Variants in CLYBL observed in about 807,000 individuals in gnomAD.
The protein encoded by CLYBL is citramalyl-CoA lyase, mitochondrial.
Under a neutral mutation model 38.9 loss-of-function variants are expected in CLYBL, and 31 were observed. The ratio of observed to expected loss-of-function variants is 0.80; its 90% CI spans 0.60 to 1.08. The LOEUF (loss-of-function observed/expected upper bound fraction) is 1.08, where lower values mean the gene tolerates loss of function less well. Among genes scored for constraint, CLYBL ranks in the 50% least tolerant of loss-of-function variants. The pLI is 0.00. For missense variants in CLYBL, 434 were observed against 411.6 expected (o/e 1.05, Z -0.47); for synonymous variants, 171 against 158.6 (o/e 1.08, Z -0.59).
rs1451268848 is a variant in CLYBL at position 99,833,013 on chromosome 13, T to TAC, written c.250-25847_250-25846insCA. 4.3e-4 allele frequency among the ~76,000 whole-genome samples: 14 copies of TAC among 32,418 alleles called. No individual in the cohort carries two copies. In the South Asian group the frequency reaches 0.013, roughly 29 times the overall value. The allele number at this position is 32,418 out of a possible 152,430, so 21.3% of individuals were successfully genotyped here. On this transcript the variant is annotated intron_variant, in intron 2 of 8. Transcript: ENST00000339105. Reference sequence around the variant, plus strand: ...GTATATACATACATACATACATATATATATATATATATATATATTTTTTTT... The same window carrying TAC: ...GTATATACATACATACATACATATATACATATATATATATATATATTTTTTTT...
chr13:99,881,953 G>A (rs1346475095), intron 7 of CLYBL, among the ~76,000 whole-genome samples: 1 of 152,098 alleles, frequency 6.6e-6, no homozygotes, highest in Non-Finnish European at 1.5e-5. Flanking sequence ...AAATGTTATA[G>A]TTTACTTTTG....
chr13:99,736,546 A>G (rs2048671120), intron 1 of CLYBL, among the ~76,000 whole-genome samples: 2 of 152,126 alleles, frequency 1.3e-5, no homozygotes, highest in African/African-American at 4.8e-5. Context: ...CTCTACCTGC[A>G]TGAAATCGGC....
At chr13:99,634,232 C>G (rs2046988646) in intron 1 of CLYBL, among the ~76,000 whole-genome samples, 1 of 152,106 alleles carries the variant, frequency 6.6e-6, no homozygotes, top group South Asian at 2.1e-4. Flanking sequence ...AAATATCAAC[C>G]CAGGGTTCTA....
chr13:99,770,527 G>C (rs374481800), intron 1 of CLYBL, among the ~76,000 whole-genome samples: 396 of 152,146 alleles, frequency 2.6e-3, no homozygotes, highest in South Asian at 0.013. Flanking sequence ...CTGTGTTAGC[G>C]AGGATATTCT....
At chr13:99,814,454 G>A (rs1394689669) in intron 2 of CLYBL, among the ~76,000 whole-genome samples, 1 of 152,232 alleles carries the variant, frequency 6.6e-6, no homozygotes, top group African/African-American at 2.4e-5. Flanking sequence ...CAGACACAGT[G>A]GCTTATAATT....
At chr13:99,659,921 C>A (rs952844657) in intron 1 of CLYBL, among the ~76,000 whole-genome samples, 1 of 152,002 alleles carries the variant, frequency 6.6e-6, no homozygotes, top group Non-Finnish European at 1.5e-5. Flanking sequence ...AACCAGGGGG[C>A]GATTTCTGGG....
At chr13:99,695,484 G>A (rs570235415) in intron 1 of CLYBL, among the ~76,000 whole-genome samples, 9 of 152,130 alleles carry the variant, frequency 5.9e-5, no homozygotes, top group East Asian at 1.9e-4. Flanking sequence ...TAGCAAGCCC[G>A]TTCAGATTCT....
chr13:99,871,158 C>A, intron 7 of CLYBL, 96 bp downstream of exon 7: 1 of 1,388,550 alleles, frequency 7.2e-7, no homozygotes, highest in South Asian at 1.2e-5. Flanking sequence ...TAAGAAAACT[C>A]ATCGTATCTG....
chr13:99,838,485 C>T (rs2050991195), intron 2 of CLYBL, among the ~76,000 whole-genome samples: 1 of 152,060 alleles, frequency 6.6e-6, no homozygotes. Context: ...GAAATGCCAC[C>T]GTGTGTGGCA....
At chr13:99,690,391 T>G (rs1445761505) in intron 1 of CLYBL, 2 of 152,200 alleles carry the variant, frequency 1.3e-5, no homozygotes, top group Admixed American at 1.3e-4. Context: ...GTGTATGTTT[T>G]TCCTCTCTAC....
intron 1 of CLYBL, among the ~76,000 whole-genome samples, chr13:99,625,395 G>T (rs1052690876): frequency 1.3e-5 from 2 of 152,302 alleles, no homozygotes; most frequent in South Asian, 4.1e-4. Context: ...AGGAGCCCAG[G>T]GTTCGGCCAA....
intron 1 of CLYBL, among the ~76,000 whole-genome samples, chr13:99,753,920 C>A (rs1223551305): frequency 6.9e-6 from 1 of 145,208 alleles, no homozygotes; most frequent in East Asian, 2.1e-4. Flanking sequence ...GAAACCCCAT[C>A]TCTACAAAAA....
chr13:99,643,606 T>C (rs946395846), intron 1 of CLYBL, among the ~76,000 whole-genome samples: 9 of 152,242 alleles, frequency 5.9e-5, no homozygotes, highest in Non-Finnish European at 1.0e-4. Flanking sequence ...CTTACTATTC[T>C]GTGCGCCTCG....
At chr13:99,647,154 A>C (rs2047188902) in intron 1 of CLYBL, among the ~76,000 whole-genome samples, 1 of 152,224 alleles carries the variant, frequency 6.6e-6, no homozygotes, top group African/African-American at 2.4e-5. Flanking sequence ...AAGGCTTATA[A>C]GAAAGATCAC....
Position 99,863,055 on chromosome 13 carries a change from C to A in CLYBL, c.503C>A (p.Pro168His). 1 of 1,609,028 alleles carries A rather than the reference C, an allele frequency of 6.2e-7. No individual in the cohort carries two copies. Among genetic ancestry groups the A allele is most frequent in the Admixed American group, 1.7e-5 (1 of 59,338 alleles). ...RKLEQPMNLI[P>H]FVETAMGLLN... Reference sequence around the variant, plus strand: ...CTTGAACAACCAATGAATTTAATCCCTTTTGTGGAAACTGCAATGGGTTTG... The same window carrying A: ...CTTGAACAACCAATGAATTTAATCCATTTTGTGGAAACTGCAATGGGTTTG... Residue 168 changes from proline (P) to histidine (H), a missense_variant, in exon 4 of 9, where the codon CCT (proline) becomes CAT (histidine). By Grantham distance (77) the Pro-to-His change is moderately conservative. Coordinates refer to ENST00000339105, the MANE Select transcript of CLYBL (RefSeq NM_206808.5).
chr13:99,657,042 A>G (rs1367510298), intron 1 of CLYBL, among the ~76,000 whole-genome samples: 3 of 152,178 alleles, frequency 2.0e-5, no homozygotes, highest in Non-Finnish European at 1.5e-5. Context: ...GCCTGGTTCA[A>G]TTCTGTCTTA....
rs768355763 is a variant in CLYBL, at chr13:99,866,281, C to G, written c.676C>G (p.Arg226Gly). The change falls in exon 6 of 9, where the codon CGG (arginine) becomes GGG (glycine). Residue 226 changes from arginine to glycine, a missense_variant. Transcript: ENST00000339105. ...AGAAACCCTGGATATTCTCTACGCC[C>G]GGCAAAAGATTGTTGTCATAGCGAA... The part of the protein sequence containing the change: ...SKETLDILYA[R>G]QKIVVIAKAF... The G allele has an allele frequency of 8.7e-6, 14 of 1,613,916 alleles. No individual in the cohort carries two copies. The highest frequency in any genetic ancestry group is 1.2e-5 in the Non-Finnish European group (14 of 1,179,998).
At chr13:99,842,097 C>T (rs1408037850) in intron 2 of CLYBL, among the ~76,000 whole-genome samples, 3 of 152,108 alleles carry the variant, frequency 2.0e-5, no homozygotes, top group East Asian at 1.9e-4. Flanking sequence ...GGATTACAGG[C>T]GTGAGCCACC....
chr13:99,666,696 A>G (rs2047486705), intron 1 of CLYBL, among the ~76,000 whole-genome samples: 1 of 151,266 alleles, frequency 6.6e-6, no homozygotes, highest in South Asian at 2.1e-4. Context: ...TTCATTATGC[A>G]CACATGGTAT....
Sources: gnomAD v4.1 joint callset for allele counts (sites outside exome capture counted in the v4.1 genomes callset) on GRCh38, gnomAD v4.1.1 for gene constraint, MANE v1.5 for transcripts, NCBI Gene and HGNC (gene_info 2026-07-23, HGNC 2026-07-21) for gene names.